Variants in METTL15 observed in about 807,000 individuals in gnomAD.
METTL15 encodes the protein methyltransferase 15, mitochondrial 12S rRNA N4-cytidine.
In METTL15, 34 loss-of-function variants were observed where a neutral mutation model predicts 38.3. The observed-to-expected ratio is 0.89, with a 90% CI of 0.68 to 1.18. The LOEUF (loss-of-function observed/expected upper bound fraction) is 1.18, where lower values mean the gene tolerates loss of function less well. METTL15 is among the 50% of genes most tolerant of loss of function. The pLI is 0.00. For missense variants in METTL15, 438 were observed against 498.4 expected, an observed-to-expected ratio of 0.88 and a Z score of 1.15; for synonymous variants, 162 against 170.9, an observed-to-expected ratio of 0.95 and a Z score of 0.41.
intron 6 of METTL15, among the ~76,000 whole-genome samples, chr11:28,454,178 A>G: frequency 6.6e-6 from 1 of 152,160 alleles, no homozygotes; most frequent in East Asian, 1.9e-4. Context: ...AATACCAAAG[A>G]TTTATCTAAG....
chr11:28,294,927 A>G (rs1565231987), intron 5 of METTL15, among the ~76,000 whole-genome samples: 1 of 152,156 alleles, frequency 6.6e-6, no homozygotes, highest in Non-Finnish European at 1.5e-5. Context: ...AGTATAATTA[A>G]AAACTGCTAA....
At chr11:28,152,318 A>G (rs931600500) in intron 3 of METTL15, among the ~76,000 whole-genome samples, 4 of 151,950 alleles carry the variant, frequency 2.6e-5, no homozygotes, top group Non-Finnish European at 5.9e-5. Context: ...TTATGTACTA[A>G]TGTCCCTTAT....
At chr11:28,263,483 A>G (rs184371769) in intron 4 of METTL15, among the ~76,000 whole-genome samples, 106 of 152,198 alleles carry the variant, frequency 7.0e-4, no homozygotes, top group African/African-American at 2.4e-3. Flanking sequence ...AAACCTGAAT[A>G]TATGATTTAT....
intron 5 of METTL15, among the ~76,000 whole-genome samples, chr11:28,395,865 G>A (rs932772332): frequency 1.3e-4 from 20 of 152,140 alleles, no homozygotes; most frequent in Non-Finnish European, 2.4e-4. Context: ...CTGGCAAACC[G>A]AATCCAGCAG....
chr11:28,146,322 G>T (rs1849884453), intron 3 of METTL15, among the ~76,000 whole-genome samples: 9 of 151,980 alleles, frequency 5.9e-5, no homozygotes, highest in Admixed American at 5.9e-4. Context: ...AGATGAGTCA[G>T]TGTACTGAGT....
At chr11:28,175,915 A>G (rs937108599) in intron 3 of METTL15, among the ~76,000 whole-genome samples, 2 of 151,884 alleles carry the variant, frequency 1.3e-5, no homozygotes, top group Admixed American at 6.6e-5. Context: ...GTGCAAATAT[A>G]TATATATATA....
intron 6 of METTL15, among the ~76,000 whole-genome samples, chr11:28,493,092 T>C (rs1851509582): frequency 6.6e-6 from 1 of 152,158 alleles, no homozygotes; most frequent in African/African-American, 2.4e-5. Flanking sequence ...AGCACAGACC[T>C]TCAGGTGTGG....
intron 4 of METTL15, among the ~76,000 whole-genome samples, chr11:28,246,547 T>A (rs1263645490): frequency 6.6e-6 from 1 of 152,156 alleles, no homozygotes; most frequent in African/African-American, 2.4e-5. Context: ...AAATGTTAAA[T>A]AATTAGAAAA....
chr11:28,352,934 G>A (rs887896150), intron 4 of METTL15, among the ~76,000 whole-genome samples: 6 of 152,172 alleles, frequency 3.9e-5, no homozygotes, highest in African/African-American at 1.4e-4. Context: ...CGGAAAAGCA[G>A]GAGAAAAGGT....
chr11:28,212,501 C>A (rs1852684792), intron 4 of METTL15, among the ~76,000 whole-genome samples: 1 of 151,978 alleles, frequency 6.6e-6, no homozygotes, highest in Non-Finnish European at 1.5e-5. Context: ...TACAGCAGTC[C>A]CTTTGTACCT....
chr11:28,231,279 A>G (rs973704900), intron 4 of METTL15, among the ~76,000 whole-genome samples: 87 of 152,036 alleles, frequency 5.7e-4, no homozygotes, highest in African/African-American at 2.0e-3. Flanking sequence ...TTTAAATAGC[A>G]TGGAATAACT....
intron 4 of METTL15, among the ~76,000 whole-genome samples, chr11:28,247,708 T>G (rs1195775399): frequency 6.6e-6 from 1 of 152,164 alleles, no homozygotes; most frequent in Admixed American, 6.6e-5. Flanking sequence ...GTTATTGGGT[T>G]GCTGATGTCT....
chr11:28,326,599 CAG>C (rs1261314771), intron 6 of METTL15, among the ~76,000 whole-genome samples: 1 of 151,850 alleles, frequency 6.6e-6, no homozygotes, highest in Non-Finnish European at 1.5e-5. Flanking sequence ...TATTTTGAGA[CAG>C]AGTCTCACTC....
chr11:28,510,748 T>C (rs1851667204), intron 6 of METTL15, among the ~76,000 whole-genome samples: 3 of 152,186 alleles, frequency 2.0e-5, no homozygotes, highest in African/African-American at 7.2e-5. Flanking sequence ...CATCTTATAC[T>C]TAGCCTTAAT....
chr11:28,303,471 A>G (rs1264558098), intron 6 of METTL15, among the ~76,000 whole-genome samples: 1 of 152,188 alleles, frequency 6.6e-6, no homozygotes, highest in Non-Finnish European at 1.5e-5. Flanking sequence ...AAATAAAATA[A>G]TTGATAAAAT....
chr11:28,203,672 T>G (rs1852198670), intron 3 of METTL15, among the ~76,000 whole-genome samples: 1 of 151,996 alleles, frequency 6.6e-6, no homozygotes. Context: ...ATTGGAATAG[T>G]CTGTTATGTC....
At chr11:28,396,050 T>G (rs1850564920) in intron 5 of METTL15, among the ~76,000 whole-genome samples, 1 of 152,136 alleles carries the variant, frequency 6.6e-6, no homozygotes, top group East Asian at 1.9e-4. Context: ...TCAACAGTCC[T>G]TCATGCTAAA....
intron 6 of METTL15, among the ~76,000 whole-genome samples, chr11:28,456,313 T>A (rs1851168315): frequency 6.6e-6 from 1 of 152,162 alleles, no homozygotes; most frequent in Non-Finnish European, 1.5e-5. Context: ...CCACTGCTAC[T>A]GCACGGTTTC....
At chr11:28,468,899 G>T (rs1851279829) in intron 6 of METTL15, among the ~76,000 whole-genome samples, 1 of 152,160 alleles carries the variant, frequency 6.6e-6, no homozygotes, top group African/African-American at 2.4e-5. Context: ...ATTTTACATT[G>T]CAGAGACAAG....
Sources: allele counts gnomAD v4.1 joint callset (sites outside exome capture counted in the v4.1 genomes callset), GRCh38; gene constraint gnomAD v4.1.1; transcripts MANE v1.5; gene names NCBI Gene and HGNC (gene_info 2026-07-23, HGNC 2026-07-21).